FAHD2A: variants seen among roughly 807,000 people sequenced by gnomAD.
The protein encoded by FAHD2A is oxaloacetate tautomerase FAHD2A, mitochondrial.
Under a neutral mutation model 33.4 loss-of-function variants are expected in FAHD2A, and 27 were observed. The observed-to-expected ratio is 0.81, with a 90% CI of 0.60 to 1.11. FAHD2A has a LOEUF of 1.11. Among genes scored for constraint, FAHD2A ranks in the 50% most tolerant of loss-of-function variants. The probability of loss-of-function intolerance (pLI) is 0.00; values close to 1 mark genes in which losing one functional copy is unlikely to be tolerated. For synonymous variants in FAHD2A, 130 were observed against 153.3 expected, an observed-to-expected ratio of 0.85 and a Z score of 1.12; for missense variants, 296 against 395.0, an observed-to-expected ratio of 0.75 and a Z score of 2.12.
chr2:95,415,970 T>C lies in FAHD2A; in HGVS notation c.*3013T>C, dbSNP rs1008603549. The C allele has an allele frequency of 6.6e-6, 1 of 152,182 alleles. No homozygotes were observed. Among genetic ancestry groups the C allele is most frequent in the Non-Finnish European group, 1.5e-5 (1 of 68,032 alleles). The allele number at this position is 152,182 out of a possible 1,614,324, so 9.4% of individuals were successfully genotyped here. The stretch of plus-strand genomic sequence containing the variant: ...TACTGTTCAGCAGGTGCCTGACACA[T>C]AGTAGGTCCACAAGCAAATGATTTT... On this transcript the variant is annotated 3_prime_UTR_variant, in exon 8 of 8. Transcript: ENST00000233379.
chr2:95,414,161 G>A lies in FAHD2A; in HGVS notation c.*1204G>A. 1 of 1,565,496 alleles carries A rather than the reference G, an allele frequency of 6.4e-7. No homozygotes were observed. Among genetic ancestry groups the A allele is most frequent in the East Asian group, 2.3e-5 (1 of 43,832 alleles). On this transcript the variant is annotated 3_prime_UTR_variant, in exon 8 of 8. Coordinates refer to ENST00000233379, the MANE Select transcript of FAHD2A (RefSeq NM_016044.3). ...CTACTCTGCAGCCCGCCTTCCTAGA[G>A]TTGGGTTGTCACTGTCCGGCAGGGG...
In FAHD2A at chr2:95,414,123, A is replaced by G; in HGVS notation, c.*1166A>G. 1 of 1,489,828 alleles carries G rather than the reference A, an allele frequency of 6.7e-7. No individual in the cohort carries two copies. Among genetic ancestry groups the G allele is most frequent in the Non-Finnish European group, 9.2e-7 (1 of 1,083,566 alleles). The allele number at this position is 1,489,828 out of a possible 1,614,324, so 92.3% of individuals were successfully genotyped here. ...AAGCCCAGGGAGGGATAGATCTCCG[A>G]CTGGACAGAAGACTACTCTGCAGCC... is the stretch of plus-strand genomic sequence containing the variant. On this transcript the variant is annotated 3_prime_UTR_variant, in exon 8 of 8. Coordinates refer to ENST00000233379, the MANE Select transcript of FAHD2A (RefSeq NM_016044.3).
Position 95,406,042 on chromosome 2 carries a change from G to T in FAHD2A, c.245+239G>T, listed in dbSNP as rs555994107. On this transcript the variant is annotated intron_variant, in intron 2 of 7. Transcript: ENST00000233379. The stretch of plus-strand genomic sequence containing the variant: ...TTAACAATTTGAAGGCCATACATGT[G>T]GTGCTGGAACCAGGACTCTATACTT... Among the ~76,000 whole-genome samples the T allele has an allele frequency of 1.2e-3, 181 of 151,648 alleles. 1 individual carries two copies. The highest frequency in any genetic ancestry group is 4.2e-3 in the African/African-American group (174 of 41,410).
In FAHD2A at chr2:95,414,183, G is replaced by T. The variant is rs1253642430; in HGVS notation, c.*1226G>T. 2 of 1,578,236 alleles carry T rather than the reference G, an allele frequency of 1.3e-6. No individual in the cohort carries two copies. Among genetic ancestry groups the T allele is most frequent in the African/African-American group, 2.7e-5 (2 of 73,504 alleles). On this transcript the variant is annotated 3_prime_UTR_variant, in exon 8 of 8. Coordinates refer to ENST00000233379, the MANE Select transcript of FAHD2A (RefSeq NM_016044.3). ...AGAGTTGGGTTGTCACTGTCCGGCA[G>T]GGGGCAGCAGCCACCAGCAAACACC...
chr2:95,414,025 A>C lies in FAHD2A; in HGVS notation c.*1068A>C, dbSNP rs1353452404. 1 of 1,457,292 alleles carries C rather than the reference A, an allele frequency of 6.9e-7. No homozygotes were observed. The highest frequency in any genetic ancestry group is 1.7e-5 in the Admixed American group (1 of 59,564). The allele number at this position is 1,457,292 out of a possible 1,614,324, so 90.3% of individuals were successfully genotyped here. A position where few individuals can be genotyped will look rare whatever the true frequency, so the allele number is the denominator to read the frequency against. On this transcript the variant is annotated 3_prime_UTR_variant, in exon 8 of 8. Transcript: ENST00000233379. ...TTTGGGTCTGCACACTCTGGAAAGAAGAGAGAAGTGAAGGCTCTAGGTAGG... is the reference window on the plus strand; with the variant it reads ...TTTGGGTCTGCACACTCTGGAAAGACGAGAGAAGTGAAGGCTCTAGGTAGG...
intron 3 of FAHD2A, among the ~76,000 whole-genome samples, chr2:95,408,654 A>C (rs1271714147): frequency 1.3e-5 from 2 of 152,180 alleles, no homozygotes; most frequent in African/African-American, 4.8e-5. Flanking sequence ...ACAGCACGGG[A>C]AAGACCTGCC....
Position 95,413,990 on chromosome 2 carries a change from G to A in FAHD2A, c.*1033G>A, listed in dbSNP as rs545477970. On this transcript the variant is annotated 3_prime_UTR_variant, in exon 8 of 8. Coordinates refer to ENST00000233379, the MANE Select transcript of FAHD2A (RefSeq NM_016044.3). Reference sequence around the variant, plus strand: ...GGTCTCTGAAGGTCCAGATAGCACTGATGGCAAGCTTTGGGTCTGCACACT... The same window carrying A: ...GGTCTCTGAAGGTCCAGATAGCACTAATGGCAAGCTTTGGGTCTGCACACT... 6 of 1,431,742 alleles carry A rather than the reference G, an allele frequency of 4.2e-6. No individual in the cohort carries two copies. The highest frequency in any genetic ancestry group is 5.9e-6 in the Non-Finnish European group (6 of 1,015,316). 88.7% of individuals were successfully genotyped at this position (1,431,742 alleles called of 1,614,324 possible).
At chr2:95,410,766 C>T in intron 4 of FAHD2A, 98 bp from the exon 5 acceptor site, 1 of 1,572,970 alleles carries the variant, frequency 6.4e-7, no homozygotes, top group Non-Finnish European at 8.6e-7. Flanking sequence ...CTGGCTCTGG[C>T]TACTAACATG....
intron 5 of FAHD2A, 43 bp from the exon 6 acceptor site, chr2:95,412,391 G>A (rs1486382513): frequency 1.2e-6 from 2 of 1,611,256 alleles, no homozygotes; most frequent in African/African-American, 1.3e-5. Context: ...GGGGGTTTGA[G>A]GGGGAAAAGG....
Position 95,413,792 on chromosome 2 carries a change from A to T in FAHD2A, c.*835A>T, listed in dbSNP as rs1255292971. Reference sequence around the variant, plus strand: ...GCAGGAAACCATCCCACCTTCTCCAACCCATCACCACGTCTATTGCTGGAA... The same window carrying T: ...GCAGGAAACCATCCCACCTTCTCCATCCCATCACCACGTCTATTGCTGGAA... On this transcript the variant is annotated 3_prime_UTR_variant, in exon 8 of 8. Coordinates refer to ENST00000233379, the MANE Select transcript of FAHD2A (RefSeq NM_016044.3). The T allele has an allele frequency of 1.4e-6, 1 of 705,574 alleles. No homozygotes were observed. Among genetic ancestry groups the T allele is most frequent in the African/African-American group, 1.8e-5 (1 of 56,076 alleles). The allele number at this position is 705,574 out of a possible 1,614,324, so 43.7% of individuals were successfully genotyped here. A position where few individuals can be genotyped will look rare whatever the true frequency, so the allele number is the denominator to read the frequency against.
At chr2:95,409,465 C>T (rs1484781682) in intron 3 of FAHD2A, among the ~76,000 whole-genome samples, 1 of 152,148 alleles carries the variant, frequency 6.6e-6, no homozygotes, top group Non-Finnish European at 1.5e-5. Context: ...TGTACCACCA[C>T]ACCTGGCTAA....
intron 4 of FAHD2A, 55 bp from the exon 5 acceptor site, chr2:95,410,809 G>A (rs938855672): frequency 3.9e-5 from 62 of 1,605,638 alleles, no homozygotes; most frequent in Non-Finnish European, 3.2e-5. Context: ...TGCCATAGGT[G>A]TTGGTGTCAC....
chr2:95,407,112 C>T lies in FAHD2A; in HGVS notation c.417C>T (p.Ser139=), dbSNP rs1358268629. ...EPIIFSKFAS[S]IVGPYDEVVL... ...TCATCTTCAGCAAGTTTGCCAGCTC[C>T]ATCGTGGGGCCCTATGATGAGGTGG... is the stretch of plus-strand genomic sequence containing the variant. The change falls in exon 3 of 8, where the codon TCC becomes TCT. Residue 139 remains serine (S), a synonymous_variant. Coordinates refer to ENST00000233379, the MANE Select transcript of FAHD2A (RefSeq NM_016044.3). The T allele has an allele frequency of 2.9e-5, 46 of 1,612,182 alleles. No homozygotes were observed. The highest frequency in any genetic ancestry group is 3.6e-5 in the Non-Finnish European group (42 of 1,179,866).
chr2:95,413,960 C>G lies in FAHD2A; in HGVS notation c.*1003C>G. The G allele has an allele frequency of 5.9e-6, 8 of 1,351,338 alleles. No individual in the cohort carries two copies. Among genetic ancestry groups the G allele is most frequent in the Non-Finnish European group, 8.5e-6 (8 of 941,916 alleles). The allele number at this position is 1,351,338 out of a possible 1,614,324, so 83.7% of individuals were successfully genotyped here. On this transcript the variant is annotated 3_prime_UTR_variant, in exon 8 of 8. Transcript: ENST00000233379. Reference sequence around the variant, plus strand: ...AGATGGTGACACTGGCTCCTCTCACCCCTAGGTCTCTGAAGGTCCAGATAG... The same window carrying G: ...AGATGGTGACACTGGCTCCTCTCACGCCTAGGTCTCTGAAGGTCCAGATAG...
intron 4 of FAHD2A, 77 bp downstream of exon 4, chr2:95,410,663 A>C: frequency 6.3e-7 from 1 of 1,581,792 alleles, no homozygotes; most frequent in Non-Finnish European, 8.6e-7. Context: ...TTCTGACCCC[A>C]CTCACCAACA....
Position 95,415,512 on chromosome 2 carries a change from G to C in FAHD2A, c.*2555G>C, listed in dbSNP as rs951399496. The C allele has an allele frequency of 3.9e-5, 6 of 152,678 alleles. No homozygotes were observed. Among genetic ancestry groups the C allele is most frequent in the Non-Finnish European group, 8.8e-5 (6 of 68,014 alleles). The allele number at this position is 152,678 out of a possible 1,614,324, so 9.5% of individuals were successfully genotyped here. On this transcript the variant is annotated 3_prime_UTR_variant, in exon 8 of 8. Transcript: ENST00000233379. The stretch of plus-strand genomic sequence containing the variant: ...TGTTATTAGGCATTCTCTTGATTCG[G>C]TAAACACAAGCTGAATAAATTTATA...
chr2:95,413,932 A>C lies in FAHD2A; in HGVS notation c.*975A>C. 8.4e-7 allele frequency: 1 copy of C among 1,196,190 alleles called. No individual in the cohort carries two copies. Among genetic ancestry groups the C allele is most frequent in the Non-Finnish European group, 1.2e-6 (1 of 800,426 alleles). 74.1% of individuals were successfully genotyped at this position (1,196,190 alleles called of 1,614,324 possible). A position where few individuals can be genotyped will look rare whatever the true frequency, so the allele number is the denominator to read the frequency against. ...TCTATTGGGGTGGGAGCAGGGGGAC[A>C]GAAGATGGTGACACTGGCTCCTCTC... On this transcript the variant is annotated 3_prime_UTR_variant, in exon 8 of 8. Transcript: ENST00000233379.
chr2:95,404,670 C>T (rs753789784), intron 1 of FAHD2A, among the ~76,000 whole-genome samples: 44 of 152,328 alleles, frequency 2.9e-4, no homozygotes, highest in Non-Finnish European at 5.4e-4. Flanking sequence ...ATGTCAAGCC[C>T]CTGCTTCTGT....
intron 5 of FAHD2A, among the ~76,000 whole-genome samples, chr2:95,411,709 C>T (rs1039412022): frequency 6.6e-6 from 1 of 152,252 alleles, no homozygotes; most frequent in South Asian, 2.1e-4. Context: ...GATGTTCTTA[C>T]AGTAATCCAT....
Sources: allele counts gnomAD v4.1 joint callset (sites outside exome capture counted in the v4.1 genomes callset), GRCh38; gene constraint gnomAD v4.1.1; transcripts MANE v1.5; gene names NCBI Gene and HGNC (gene_info 2026-07-23, HGNC 2026-07-21).